The following BLM variants were observed in gnomAD, a reference collection of about 807,000 sequenced individuals.
BLM encodes BLM RecQ like helicase.
Under a neutral mutation model 135.3 loss-of-function variants are expected in BLM, and 95 were observed. The observed-to-expected ratio is 0.70, with a 90% CI of 0.59 to 0.83. BLM has a LOEUF of 0.83. BLM is among the 40% of genes least tolerant of loss of function. The probability of loss-of-function intolerance (pLI) is 0.00; values close to 1 mark genes in which losing one functional copy is unlikely to be tolerated. For synonymous variants in BLM, 520 were observed against 589.2 expected (o/e 0.88, Z 1.70); for missense variants, 1,518 against 1,663.9 (o/e 0.91, Z 1.53).
chr15:90,728,682 AG>A (rs995732392), intron 1 of BLM, among the ~76,000 whole-genome samples: 2 of 152,146 alleles, frequency 1.3e-5, no homozygotes, highest in African/African-American at 4.8e-5. Context: ...CTGAGATTAC[AG>A]GCATGAGCCA....
chr15:90,744,814 C>T (rs1436827744), intron 1 of BLM, among the ~76,000 whole-genome samples: 7 of 151,998 alleles, frequency 4.6e-5, no homozygotes, highest in Non-Finnish European at 1.0e-4. Flanking sequence ...CTTTGGGAGG[C>T]GGAGGCAGGA....
chr15:90,770,177 C>A (rs57583807), intron 12 of BLM, among the ~76,000 whole-genome samples: 1 of 128,214 alleles, frequency 7.8e-6, no homozygotes, highest in African/African-American at 2.9e-5. Context: ...TCCCCCCCCC[C>A]TTTTTTTTTT....
chr15:90,740,942 A>G (rs938189772), intron 1 of BLM, among the ~76,000 whole-genome samples: 1 of 152,108 alleles, frequency 6.6e-6, no homozygotes, highest in Non-Finnish European at 1.5e-5. Flanking sequence ...ACCCACTCTC[A>G]GGTGTTTCTT....
At chr15:90,733,503 A>G (rs1237710907) in intron 1 of BLM, among the ~76,000 whole-genome samples, 1 of 152,238 alleles carries the variant, frequency 6.6e-6, no homozygotes, top group Non-Finnish European at 1.5e-5. Flanking sequence ...AACGTAGAAA[A>G]GAAGGAAAAC....
chr15:90,777,782 C>G (rs1236736406), intron 12 of BLM, among the ~76,000 whole-genome samples: 2 of 152,130 alleles, frequency 1.3e-5, no homozygotes, highest in Non-Finnish European at 2.9e-5. Context: ...TCCCCAATAT[C>G]TAAGTTTACA....
rs541291931 is a variant in BLM at position 90,756,398 on chromosome 15, T to C, written c.1087+1460T>C. Among the ~76,000 whole-genome samples the C allele has an allele frequency of 1.3e-3, 199 of 152,310 alleles. 1 individual carries two copies. The highest frequency in any genetic ancestry group is 3.9e-3 in the African/African-American group (163 of 41,560). On this transcript the variant is annotated intron_variant, in intron 5 of 21. Transcript: ENST00000355112. ...GATTACAGGCGTGAGCCACCGCGCC[T>C]GGCCCACTTTAAGGTAGTTTCTGTT...
intron 12 of BLM, among the ~76,000 whole-genome samples, chr15:90,777,304 A>G (rs1896505231): frequency 6.6e-6 from 1 of 152,036 alleles, no homozygotes; most frequent in Non-Finnish European, 1.5e-5. Context: ...GGCGCCCGCC[A>G]CCATGCCCAG....
chr15:90,759,955 ACTT>A, intron 5 of BLM, 189 bp from the exon 6 acceptor site: 2 of 420,650 alleles, frequency 4.8e-6, no homozygotes, highest in Non-Finnish European at 4.3e-6. Flanking sequence ...AGATCTTAAG[ACTT>A]TTTTTTTTTT....
At chr15:90,736,678 T>C (rs1292467536) in intron 1 of BLM, among the ~76,000 whole-genome samples, 1 of 152,184 alleles carries the variant, frequency 6.6e-6, no homozygotes, top group Non-Finnish European at 1.5e-5. Context: ...TTGGTAAATA[T>C]CTACACAATG....
intron 5 of BLM, 117 bp downstream of exon 5, chr15:90,755,055 G>C: frequency 1.5e-6 from 2 of 1,300,368 alleles, no homozygotes; most frequent in Non-Finnish European, 2.1e-6. Flanking sequence ...CAGATTTGTA[G>C]TTTCTTTTCT....
chr15:90,749,374 A>G lies in BLM; in HGVS notation c.106A>G (p.Thr36Ala), dbSNP rs1714362154. The G allele has an allele frequency of 1.9e-6, 3 of 1,599,266 alleles. No individual in the cohort carries two copies. In the African/African-American group the frequency reaches 4.0e-5, roughly 21 times the overall value. The change falls in exon 3 of 22, where the codon ACT becomes GCT. Residue 36 changes from threonine (T) to alanine (A), a missense_variant. Physicochemically the swap from Thr to Ala is moderately conservative, Grantham distance 58. Transcript: ENST00000355112. ...SLSKPKFSGF[T>A]FKKKTSSDNN... is the part of the protein sequence containing the mutation. The stretch of plus-strand genomic sequence containing the variant: ...TTTTCCATTATTTTTCAGAGGTTTC[A>G]CTTTTAAAAAGAAAACATCTTCAGA...
intron 5 of BLM, among the ~76,000 whole-genome samples, chr15:90,756,587 A>G (rs1895826699): frequency 6.6e-6 from 1 of 152,156 alleles, no homozygotes; most frequent in Non-Finnish European, 1.5e-5. Flanking sequence ...ATTAAGTTTC[A>G]CTAATAAAAT....
At chr15:90,732,088 G>T (rs949213847) in intron 1 of BLM, among the ~76,000 whole-genome samples, 1 of 151,844 alleles carries the variant, frequency 6.6e-6, no homozygotes, top group South Asian at 2.1e-4. Flanking sequence ...CCATTTTCTT[G>T]TAACTACTTC....
intron 13 of BLM, among the ~76,000 whole-genome samples, chr15:90,784,698 T>C (rs1896700380): frequency 6.6e-6 from 1 of 151,720 alleles, no homozygotes; most frequent in Non-Finnish European, 1.5e-5. Context: ...TTCATCCAGG[T>C]CCACCTCACG....
chr15:90,740,683 C>A (rs2151140029), intron 1 of BLM, among the ~76,000 whole-genome samples: 1 of 152,280 alleles, frequency 6.6e-6, no homozygotes, highest in East Asian at 1.9e-4. Flanking sequence ...CTCCCATAAT[C>A]CCCATGTGTC....
chr15:90,730,841 C>T (rs1405996358), intron 1 of BLM, among the ~76,000 whole-genome samples: 1 of 151,982 alleles, frequency 6.6e-6, no homozygotes, highest in Non-Finnish European at 1.5e-5. Flanking sequence ...TATGGTTGTT[C>T]AGCTTTAATG....
chr15:90,759,705 C>A (rs983850418), intron 5 of BLM, among the ~76,000 whole-genome samples: 3 of 151,936 alleles, frequency 2.0e-5, no homozygotes, highest in African/African-American at 7.3e-5. Flanking sequence ...CTCCCAGGTT[C>A]AAGCGATTCT....
In BLM at chr15:90,815,590, G is replaced by A. The variant is rs868548271; in HGVS notation, c.*311G>A. On this transcript the variant is annotated 3_prime_UTR_variant, in exon 22 of 22. Coordinates refer to ENST00000355112, the MANE Select transcript of BLM (RefSeq NM_000057.4). The surrounding 1 kb of genome is among the most constrained non-coding windows in gnomAD (Gnocchi z 4.6). ...CCAGAAGCCAAAGGAAGAGCCACGCGTGGGCCCTTGTGAAACTAAAGCTTT... is the reference window on the plus strand; with the variant it reads ...CCAGAAGCCAAAGGAAGAGCCACGCATGGGCCCTTGTGAAACTAAAGCTTT... The A allele has an allele frequency of 4.0e-5, 15 of 376,640 alleles. No homozygotes were observed. Among genetic ancestry groups the A allele is most frequent in the South Asian group, 1.6e-4 (5 of 30,492 alleles). 23.3% of individuals were successfully genotyped at this position (376,640 alleles called of 1,614,324 possible). A position where few individuals can be genotyped will look rare whatever the true frequency, so the allele number is the denominator to read the frequency against.
At chr15:90,803,761 G>A (rs777582705) in intron 18 of BLM, 41 bp downstream of exon 18, 12 of 1,574,296 alleles carry the variant, frequency 7.6e-6, no homozygotes, top group African/African-American at 1.3e-5. Flanking sequence ...CTCACAATGA[G>A]TGAACCAAAA....
Sources: gnomAD v4.1 joint callset for allele counts (sites outside exome capture counted in the v4.1 genomes callset) on GRCh38, gnomAD v4.1.1 for gene constraint, Gnocchi (gnomAD v3.1) non-coding constraint, MANE v1.5 for transcripts, NCBI Gene and HGNC (gene_info 2026-07-23, HGNC 2026-07-21) for gene names.